The following MARK1 variants were observed in gnomAD, a reference collection of about 807,000 sequenced individuals.
MARK1 encodes the protein microtubule affinity regulating kinase 1.
A neutral mutation model predicts 96.3 loss-of-function variants in MARK1; 40 were observed. The observed-to-expected ratio is 0.42, with a 90% CI of 0.32 to 0.54. The LOEUF (loss-of-function observed/expected upper bound fraction) is 0.54. MARK1 is among the 20% of genes least tolerant of loss of function. The pLI, the probability that MARK1 is intolerant of heterozygous loss-of-function variation, is 0.16. For missense variants in MARK1, 719 were observed against 984.6 expected (o/e 0.73, Z 3.61); for synonymous variants, 317 against 341.2 (o/e 0.93, Z 0.78).
chr1:220,588,509 A>G (rs1375938498), intron 3 of MARK1, among the ~76,000 whole-genome samples: 3 of 152,192 alleles, frequency 2.0e-5, no homozygotes, highest in Non-Finnish European at 4.4e-5. Flanking sequence ...ATCATCTAAT[A>G]TATATTCATT....
At chr1:220,577,027 G>A (rs1422829349) in intron 1 of MARK1, among the ~76,000 whole-genome samples, 1 of 152,168 alleles carries the variant, frequency 6.6e-6, no homozygotes, top group Admixed American at 6.5e-5. Context: ...GGAGGCTGAG[G>A]TGGGAGGATT....
At chr1:220,538,345 C>T (rs1433241866) in intron 1 of MARK1, among the ~76,000 whole-genome samples, 7 of 150,758 alleles carry the variant, frequency 4.6e-5, no homozygotes, top group African/African-American at 1.7e-4. Context: ...ATCCTTTCCC[C>T]ATTGCTTGTT....
At chr1:220,639,635 G>A (rs1301594004) in intron 13 of MARK1, among the ~76,000 whole-genome samples, 1 of 152,140 alleles carries the variant, frequency 6.6e-6, no homozygotes, top group Admixed American at 6.6e-5. Context: ...CAAAGAGGCA[G>A]GCTCCTCATG....
rs1664076708 is a variant in MARK1 at position 220,579,375 on chromosome 1, A to G, written c.73A>G (p.Thr25Ala). 1.2e-6 allele frequency: 2 copies of G among 1,613,708 alleles called. No individual in the cohort carries two copies. The highest frequency in any genetic ancestry group is 1.3e-5 in the African/African-American group (1 of 74,924). ...TENHTSVDGY[T>A]EPHIQPTKSS... ...TTAGCATACATCTGTGGATGGATATACTGAACCACACATCCAGCCTACCAA... is the reference window on the plus strand; with the variant it reads ...TTAGCATACATCTGTGGATGGATATGCTGAACCACACATCCAGCCTACCAA... Residue 25 changes from threonine (T) to alanine (A), a missense_variant, in exon 2 of 18, where the codon ACT (threonine) becomes GCT (alanine). Around this residue, in one of 4 missense-constraint regions of MARK1, gnomAD observed 105 missense variants for 133.4 expected, o/e 0.79. Coordinates refer to ENST00000366917, the MANE Select transcript of MARK1 (RefSeq NM_018650.5).
At position 220,585,531 on chromosome 1, in the gene MARK1, A is replaced by G. The variant is rs563125119; in HGVS notation, c.309+4413A>G. Among the ~76,000 whole-genome samples, 13 of 152,310 alleles carry G rather than the reference A, an allele frequency of 8.5e-5. No individual in the cohort carries two copies. In the South Asian group the frequency reaches 2.3e-3, roughly 27 times the overall value. On this transcript the variant is annotated intron_variant, in intron 3 of 17. Coordinates refer to ENST00000366917, the MANE Select transcript of MARK1 (RefSeq NM_018650.5). ...TTAGCCCTCTTTAATTACTGGGGAA[A>G]GGGCTCAATGACATATAATTGGGCA...
chr1:220,656,009 G>T (rs1669150595), intron 16 of MARK1, among the ~76,000 whole-genome samples: 1 of 152,182 alleles, frequency 6.6e-6, no homozygotes, highest in African/African-American at 2.4e-5. Flanking sequence ...CTGAATACCT[G>T]CATGGCTCAC....
chr1:220,627,424 C>A (rs1045973332), intron 9 of MARK1: 2 of 478,130 alleles, frequency 4.2e-6, no homozygotes, highest in Admixed American at 4.7e-5. Flanking sequence ...CCAAAGGGGT[C>A]AAGGAGGAGG....
intron 17 of MARK1, among the ~76,000 whole-genome samples, chr1:220,658,222 A>G (rs1669282828): frequency 6.6e-6 from 1 of 152,262 alleles, no homozygotes; most frequent in Non-Finnish European, 1.5e-5. Context: ...ATTTGATATT[A>G]GTAATATATT....
At chr1:220,555,748 C>T (rs1662202487) in intron 1 of MARK1, among the ~76,000 whole-genome samples, 1 of 152,004 alleles carries the variant, frequency 6.6e-6, no homozygotes, top group African/African-American at 2.4e-5. Context: ...AGTTGACACA[C>T]AAGTCTAAAA....
chr1:220,528,763 C>T lies in MARK1; in HGVS notation c.-60C>T, dbSNP rs990922658. 1 of 1,504,272 alleles carries T rather than the reference C, an allele frequency of 6.6e-7. No individual in the cohort carries two copies. The highest frequency in any genetic ancestry group is 9.0e-7 in the Non-Finnish European group (1 of 1,113,694). 93.2% of individuals were successfully genotyped at this position (1,504,272 alleles called of 1,614,324 possible). On this transcript the variant is annotated 5_prime_UTR_variant, in exon 1 of 18. Coordinates refer to ENST00000366917, the MANE Select transcript of MARK1 (RefSeq NM_018650.5). ...TCCGCACCCCTTTCCTGTCGCCCCC[C>T]GGGGCCCGCACCACAGCCCGGCCGG...
chr1:220,596,197 C>T (rs1189996726), intron 3 of MARK1, among the ~76,000 whole-genome samples: 1 of 152,110 alleles, frequency 6.6e-6, no homozygotes, highest in Admixed American at 6.6e-5. Context: ...GGGCTAAGGG[C>T]TGAACCCTGA....
chr1:220,575,365 T>G (rs1663760627), intron 1 of MARK1, among the ~76,000 whole-genome samples: 2 of 152,214 alleles, frequency 1.3e-5, no homozygotes, highest in African/African-American at 2.4e-5. Context: ...GCTAACATAA[T>G]TTCTTCTATT....
chr1:220,628,823 A>G (rs1667500670), intron 9 of MARK1, among the ~76,000 whole-genome samples: 1 of 152,008 alleles, frequency 6.6e-6, no homozygotes. Flanking sequence ...ATGGTGGCTC[A>G]TGCCTATAAT....
intron 1 of MARK1, among the ~76,000 whole-genome samples, chr1:220,548,700 G>A (rs1661663502): frequency 6.6e-6 from 1 of 152,040 alleles, no homozygotes; most frequent in Non-Finnish European, 1.5e-5. Flanking sequence ...AGGCTGCGGT[G>A]AGCCGAGATT....
At chr1:220,594,959 T>A (rs74139782) in intron 3 of MARK1, among the ~76,000 whole-genome samples, 1,709 of 152,240 alleles carry the variant, frequency 0.011, 26 homozygotes, top group African/African-American at 0.039. Flanking sequence ...TCTAAACCCA[T>A]AGAATGTATA....
chr1:220,595,436 G>A (rs1665271000), intron 3 of MARK1, among the ~76,000 whole-genome samples: 1 of 152,202 alleles, frequency 6.6e-6, no homozygotes, highest in Admixed American at 6.5e-5. Flanking sequence ...ACGCTTCTGA[G>A]TGAAGGCTGA....
chr1:220,572,735 C>T (rs909811043), intron 1 of MARK1, among the ~76,000 whole-genome samples: 1 of 152,060 alleles, frequency 6.6e-6, no homozygotes, highest in Non-Finnish European at 1.5e-5. Flanking sequence ...TTTGTATTTA[C>T]CCACATATTT....
At chr1:220,564,382 TGGTACAAAG>T (rs1283842220) in intron 1 of MARK1, among the ~76,000 whole-genome samples, 2 of 152,200 alleles carry the variant, frequency 1.3e-5, no homozygotes, top group Non-Finnish European at 2.9e-5. Flanking sequence ...GCTGAGTATC[TGGTACAAAG>T]TGTTTTGTTT....
At chr1:220,573,473 G>A (rs2102817269) in intron 1 of MARK1, among the ~76,000 whole-genome samples, 1 of 152,040 alleles carries the variant, frequency 6.6e-6, no homozygotes, top group South Asian at 2.1e-4. Flanking sequence ...ACAGGCACCC[G>A]CCACCACGCC....
Sources: gnomAD v4.1 joint callset for allele counts (sites outside exome capture counted in the v4.1 genomes callset) on GRCh38, gnomAD v4.1.1 for gene constraint, gnomAD v4.1.1 regional missense constraint, MANE v1.5 for transcripts, NCBI Gene and HGNC (gene_info 2026-07-23, HGNC 2026-07-21) for gene names.